The following KLHDC2 variants were observed in gnomAD, a reference collection of about 807,000 sequenced individuals.
The protein encoded by KLHDC2 is kelch domain containing 2.
Under a neutral mutation model 62.3 loss-of-function variants are expected in KLHDC2, and 38 were observed. That is an observed-to-expected ratio of 0.61 (90% CI 0.47 to 0.80). The LOEUF is 0.80. KLHDC2 is among the 30% of genes least tolerant of loss of function. The pLI is 0.00. For missense variants in KLHDC2, 430 were observed against 495.3 expected (o/e 0.87, Z 1.25); for synonymous variants, 159 against 161.0 (o/e 0.99, Z 0.09).
rs147005875 is a variant in KLHDC2 at position 49,784,930 on chromosome 14, C to G, written c.*1977C>G. On this transcript the variant is annotated 3_prime_UTR_variant, in exon 13 of 13. Coordinates refer to ENST00000298307, the MANE Select transcript of KLHDC2 (RefSeq NM_014315.3). Reference sequence around the variant, plus strand: ...TTTCTGAAGGAGAACTTTACCTTTACGCTGCGGAATAAGTCTTTTTCTCTT... The same window carrying G: ...TTTCTGAAGGAGAACTTTACCTTTAGGCTGCGGAATAAGTCTTTTTCTCTT... The G allele has an allele frequency of 6.2e-7, 1 of 1,612,850 alleles. No individual in the cohort carries two copies. Among genetic ancestry groups the G allele is most frequent in the Non-Finnish European group, 8.5e-7 (1 of 1,179,052 alleles).
intron 6 of KLHDC2, among the ~76,000 whole-genome samples, chr14:49,778,861 T>G (rs1201234988): frequency 6.6e-6 from 1 of 151,940 alleles, no homozygotes; most frequent in Non-Finnish European, 1.5e-5. Context: ...GTATCTGGGA[T>G]TACAGATGCC....
In KLHDC2 at chr14:49,777,926, A is replaced by AAGT. The variant is rs1431341482; in HGVS notation, c.440_441insGTA (p.Lys147_Leu148insTer). The AAGT allele has an allele frequency of 6.2e-7, 1 of 1,610,674 alleles. No homozygotes were observed. The highest frequency in any genetic ancestry group is 2.2e-5 in the East Asian group (1 of 44,852). On this transcript the variant is annotated stop_gained and inframe_insertion, in exon 4 of 13. Coordinates refer to ENST00000298307, the MANE Select transcript of KLHDC2 (RefSeq NM_014315.3). LOFTEE classifies it high-confidence loss of function. ...AGGAATTCCTCCATCATCAAAGGAC[A>AAGT]AACTTGGTGTCTGGGTATATAAAAA... is the stretch of plus-strand genomic sequence containing the variant.
In KLHDC2 at chr14:49,784,908, C is replaced by T; in HGVS notation, c.*1955C>T. On this transcript the variant is annotated 3_prime_UTR_variant, in exon 13 of 13. Coordinates refer to ENST00000298307, the MANE Select transcript of KLHDC2 (RefSeq NM_014315.3). ...TACTGTCAGTCTCCACATTCCTTTT[C>T]TGAAGGAGAACTTTACCTTTACGCT... The T allele has an allele frequency of 1.9e-6, 3 of 1,605,724 alleles. No homozygotes were observed. The highest frequency in any genetic ancestry group is 2.6e-6 in the Non-Finnish European group (3 of 1,173,420).
In KLHDC2 at chr14:49,775,648, A is replaced by G. The variant is rs977791856; in HGVS notation, c.351+970A>G. Among the ~76,000 whole-genome samples the G allele has an allele frequency of 3.7e-4, 44 of 119,152 alleles. No homozygotes were observed. The East Asian group carries it at 4.6e-3, about 13-fold the overall frequency. The allele number at this position is 119,152 out of a possible 152,430, so 78.2% of individuals were successfully genotyped here. A position where few individuals can be genotyped will look rare whatever the true frequency, so the allele number is the denominator to read the frequency against. ...TTTTTTTTTTTTTTTTCGGATGGGG[A>G]CAGAGTCTCGCTCTGTCGCCCAGGC... On this transcript the variant is annotated intron_variant, in intron 3 of 12. Coordinates refer to ENST00000298307, the MANE Select transcript of KLHDC2 (RefSeq NM_014315.3).
intron 3 of KLHDC2, among the ~76,000 whole-genome samples, chr14:49,777,421 T>A (rs897477767): frequency 6.6e-6 from 1 of 151,750 alleles, no homozygotes; most frequent in Non-Finnish European, 1.5e-5. Context: ...AAAATAAAAA[T>A]GGGAAAAGAA....
chr14:49,779,043 G>C (rs1399303881), intron 6 of KLHDC2, among the ~76,000 whole-genome samples: 2 of 152,100 alleles, frequency 1.3e-5, no homozygotes, highest in East Asian at 3.9e-4. Context: ...ACTTTACGTG[G>C]TAGAAGTGTT....
chr14:49,781,767 A>G (rs1889914260), intron 10 of KLHDC2, among the ~76,000 whole-genome samples: 1 of 152,184 alleles, frequency 6.6e-6, no homozygotes, highest in African/African-American at 2.4e-5. Context: ...ACTGTATAAC[A>G]AAGATGAAGA....
chr14:49,779,959 TTG>T (rs1294921315), intron 8 of KLHDC2, 153 bp downstream of exon 8: 29 of 651,034 alleles, frequency 4.5e-5, no homozygotes, highest in Admixed American at 1.4e-4. Context: ...AATTTTATTT[TTG>T]TGTTTCCAGT....
In KLHDC2 at chr14:49,785,407, A is replaced by AT. The variant is rs540304584; in HGVS notation, c.*2460dup. 187 of 868,750 alleles carry AT rather than the reference A, an allele frequency of 2.2e-4. No individual in the cohort carries two copies. The highest frequency in any genetic ancestry group is 4.1e-4 in the East Asian group (16 of 39,366). 53.8% of individuals were successfully genotyped at this position (868,750 alleles called of 1,614,324 possible). The stretch of plus-strand genomic sequence containing the variant: ...AACACTTGAATTAGTATCTCAACAT[A>AT]TTTTTTATCTTTTCCTGATATACAT... On this transcript the variant is annotated 3_prime_UTR_variant, in exon 13 of 13. Transcript: ENST00000298307.
rs982546545 is a variant in KLHDC2 at position 49,774,820 on chromosome 14, T to C, written c.351+142T>C. On this transcript the variant is annotated intron_variant, in intron 3 of 12. Coordinates refer to ENST00000298307, the MANE Select transcript of KLHDC2 (RefSeq NM_014315.3). ...TACTTGATTATGATATGAATGTGCA[T>C]TTTAGTATTTTGTGTGCCAATCTGT... 6.8e-5 allele frequency: 48 copies of C among 709,416 alleles called. 1 individual carries two copies. Among genetic ancestry groups the C allele is most frequent in the South Asian group, 6.6e-4 (41 of 62,412 alleles). The allele number at this position is 709,416 out of a possible 1,614,324, so 43.9% of individuals were successfully genotyped here. A position where few individuals can be genotyped will look rare whatever the true frequency, so the allele number is the denominator to read the frequency against.
chr14:49,780,487 C>A lies in KLHDC2; in HGVS notation c.883+165C>A, dbSNP rs150031802. The A allele has an allele frequency of 6.8e-4, 439 of 641,108 alleles. 1 individual carries two copies. The highest frequency in any genetic ancestry group is 6.5e-3 in the African/African-American group (356 of 54,732). 39.7% of individuals were successfully genotyped at this position (641,108 alleles called of 1,614,324 possible). On this transcript the variant is annotated intron_variant, in intron 9 of 12. Coordinates refer to ENST00000298307, the MANE Select transcript of KLHDC2 (RefSeq NM_014315.3). ...AGCTGTAATTGTACTATATGGCATA[C>A]TTCTGTTCAATAAAGAACCTGGAGC...
intron 12 of KLHDC2, 114 bp downstream of exon 12, chr14:49,782,708 A>G (rs1889964359): frequency 7.2e-6 from 10 of 1,382,318 alleles, no homozygotes; most frequent in Admixed American, 2.1e-5. Flanking sequence ...CTTCATTGCT[A>G]TAACCAGTTC....
Position 49,783,029 on chromosome 14 carries a change from A to ATAAT in KLHDC2, c.*79_*82dup, listed in dbSNP as rs1278905798. 21 of 1,464,302 alleles carry ATAAT rather than the reference A, an allele frequency of 1.4e-5. No individual in the cohort carries two copies. Among genetic ancestry groups the ATAAT allele is most frequent in the Middle Eastern group, 1.8e-4 (1 of 5,664 alleles). The allele number at this position is 1,464,302 out of a possible 1,614,324, so 90.7% of individuals were successfully genotyped here. On this transcript the variant is annotated 3_prime_UTR_variant, in exon 13 of 13. Transcript: ENST00000298307. The stretch of plus-strand genomic sequence containing the variant: ...AACATCACAGAGTGGCATCATTTGT[A>ATAAT]TAATTATATGCATTGTTGTAGTTTG...
chr14:49,781,369 CAAAA>C (rs1555343492), intron 10 of KLHDC2, among the ~76,000 whole-genome samples: 3 of 124,692 alleles, frequency 2.4e-5, no homozygotes, highest in African/African-American at 9.3e-5. Flanking sequence ...AACTCTGTCT[CAAAA>C]AAAAAAAAAA....
chr14:49,784,578 G>T lies in KLHDC2; in HGVS notation c.*1625G>T. The T allele has an allele frequency of 1.7e-6, 2 of 1,207,734 alleles. No individual in the cohort carries two copies. The highest frequency in any genetic ancestry group is 2.6e-5 in the South Asian group (2 of 76,814). 74.8% of individuals were successfully genotyped at this position (1,207,734 alleles called of 1,614,324 possible). A position where few individuals can be genotyped will look rare whatever the true frequency, so the allele number is the denominator to read the frequency against. ...CCTGATACATGGTGCTTTCATCTTTGAACTTCCAAAAGGCTATAAAATTGG... is the reference window on the plus strand; with the variant it reads ...CCTGATACATGGTGCTTTCATCTTTTAACTTCCAAAAGGCTATAAAATTGG... On this transcript the variant is annotated 3_prime_UTR_variant, in exon 13 of 13. Coordinates refer to ENST00000298307, the MANE Select transcript of KLHDC2 (RefSeq NM_014315.3).
Position 49,780,756 on chromosome 14 carries a change from C to T in KLHDC2, c.937C>T (p.Pro313Ser). 6.2e-7 allele frequency: 1 copy of T among 1,600,576 alleles called. No homozygotes were observed. Among genetic ancestry groups the T allele is most frequent in the Non-Finnish European group, 8.6e-7 (1 of 1,167,784 alleles). The change falls in exon 10 of 13, where the codon CCA becomes TCA. Residue 313 changes from proline (P) to serine (S), a missense_variant. Pro to Ser is a moderately conservative substitution (Grantham distance 74). Coordinates refer to ENST00000298307, the MANE Select transcript of KLHDC2 (RefSeq NM_014315.3). Reference sequence around the variant, plus strand: ...AAATGAATGGATACAATTTAATCATCCATATACCGAAAAACCAAGGTATTT... The same window carrying T: ...AAATGAATGGATACAATTTAATCATTCATATACCGAAAAACCAAGGTATTT... ...SKNEWIQFNH[P>S]YTEKPRLWHT...
chr14:49,778,344 A>C (rs532388406), intron 5 of KLHDC2, 67 bp from the exon 6 acceptor site: 599 of 1,333,042 alleles, frequency 4.5e-4, no homozygotes, highest in Non-Finnish European at 5.6e-4. Context: ...TTTCTTTGGT[A>C]ATCAGGCAGG....
chr14:49,768,223 G>A lies in KLHDC2; in HGVS notation c.-246G>A. 2.9e-6 allele frequency: 1 copy of A among 349,272 alleles called. No individual in the cohort carries two copies. The highest frequency in any genetic ancestry group is 5.1e-6 in the Non-Finnish European group (1 of 196,260). 21.6% of individuals were successfully genotyped at this position (349,272 alleles called of 1,614,324 possible). A position where few individuals can be genotyped will look rare whatever the true frequency, so the allele number is the denominator to read the frequency against. On this transcript the variant is annotated 5_prime_UTR_variant, in exon 1 of 13. Coordinates refer to ENST00000298307, the MANE Select transcript of KLHDC2 (RefSeq NM_014315.3). ...GCAGTGCCCCGAGTCCCGGGCCCGC[G>A]CCGCCGCCGCCCGGCTCCGCTCGCG...
intron 2 of KLHDC2, among the ~76,000 whole-genome samples, chr14:49,773,865 C>T (rs138714556): frequency 0.029 from 4,467 of 152,116 alleles, 206 homozygotes; most frequent in African/African-American, 0.095. Context: ...CATGAGCCAC[C>T]GCGCCCAGCC....
Sources: gnomAD v4.1 joint callset for allele counts (sites outside exome capture counted in the v4.1 genomes callset) on GRCh38, gnomAD v4.1.1 for gene constraint, MANE v1.5 for transcripts, NCBI Gene and HGNC (gene_info 2026-07-23, HGNC 2026-07-21) for gene names.